FSTL5: variants seen among roughly 807,000 people sequenced by gnomAD.
FSTL5 encodes the protein follistatin like 5.
A neutral mutation model predicts 89.1 loss-of-function variants in FSTL5; 62 were observed. The observed-to-expected ratio is 0.70, with a 90% CI of 0.57 to 0.86. FSTL5 has a LOEUF of 0.86. FSTL5 is among the 40% of genes least tolerant of loss of function. FSTL5 has a pLI of 0.00. For missense variants in FSTL5, 1,057 were observed against 1,001.6 expected, an observed-to-expected ratio of 1.06 and a Z score of -0.75; for synonymous variants, 383 against 346.2, an observed-to-expected ratio of 1.11 and a Z score of -1.18.
At chr4:161,584,486 A>G (rs1220693794) in intron 8 of FSTL5, among the ~76,000 whole-genome samples, 1 of 152,196 alleles carries the variant, frequency 6.6e-6, no homozygotes, top group Non-Finnish European at 1.5e-5. Flanking sequence ...TATTCCCATC[A>G]GCATAAAAGA....
intron 2 of FSTL5, among the ~76,000 whole-genome samples, chr4:162,100,533 C>G (rs2111381067): frequency 6.6e-6 from 1 of 152,156 alleles, no homozygotes; most frequent in African/African-American, 2.4e-5. Flanking sequence ...GATGAAGAGG[C>G]AAAGCACAGA....
chr4:161,643,622 T>C (rs913991940), intron 7 of FSTL5, among the ~76,000 whole-genome samples: 3 of 152,154 alleles, frequency 2.0e-5, no homozygotes, highest in African/African-American at 7.2e-5. Context: ...ACAACGATCA[T>C]GTATGTACTT....
intron 15 of FSTL5, chr4:161,387,846 G>C (rs1730699499): frequency 6.6e-6 from 1 of 151,894 alleles, no homozygotes; most frequent in Non-Finnish European, 1.5e-5. Flanking sequence ...AATTTATGAG[G>C]AGACTATTTG....
At chr4:162,048,021 T>C (rs575392149) in intron 2 of FSTL5, among the ~76,000 whole-genome samples, 1 of 152,190 alleles carries the variant, frequency 6.6e-6, no homozygotes, top group African/African-American at 2.4e-5. Context: ...ATGTTTACAA[T>C]TGTTCATGTT....
At position 161,776,056 on chromosome 4, in the gene FSTL5, G is replaced by A; in HGVS notation, c.428C>T (p.Thr143Ile). The A allele has an allele frequency of 6.4e-7, 1 of 1,552,680 alleles. No homozygotes were observed. Among genetic ancestry groups the A allele is most frequent in the Non-Finnish European group, 8.8e-7 (1 of 1,137,120 alleles). ...CATATTTTTCATCTTGCTGTATTCA[G>A]TAGTCTTGCACTTATCTCCTGTAAC... is the stretch of plus-strand genomic sequence containing the variant. ...CFFKGDKCKT[T>I]EYSKMKNMLL... The change falls in exon 5 of 16, where the codon ACT (threonine) becomes ATT (isoleucine). Residue 143 changes from threonine to isoleucine, a missense_variant. Thr to Ile is a moderately conservative substitution (Grantham distance 89). Around this residue, in one of 3 missense-constraint regions of FSTL5, gnomAD observed 980 missense variants for 903.2 expected, o/e 1.08. Transcript: ENST00000306100.
intron 3 of FSTL5, among the ~76,000 whole-genome samples, chr4:162,030,890 AG>A (rs1247545275): frequency 1.3e-5 from 2 of 152,200 alleles, no homozygotes; most frequent in Non-Finnish European, 2.9e-5. Flanking sequence ...AAAAAATATT[AG>A]GGGTGAACTA....
rs112764378 is a variant in FSTL5, at chr4:161,434,373, G to A, written c.1841+20631C>T. ...ATCCATATGCAGAAGAATAAAATTA[G>A]ACCCCCATCTCTTGCCATACACAAA... is the stretch of plus-strand genomic sequence containing the variant. On this transcript the variant is annotated intron_variant, in intron 15 of 15. Transcript: ENST00000306100. 2.2e-3 allele frequency among the ~76,000 whole-genome samples: 340 copies of A among 152,144 alleles called. 1 individual carries two copies. Among genetic ancestry groups the A allele is most frequent in the African/African-American group, 7.8e-3 (325 of 41,552 alleles).
At chr4:162,095,528 T>C (rs1272201885) in intron 2 of FSTL5, among the ~76,000 whole-genome samples, 1 of 152,070 alleles carries the variant, frequency 6.6e-6, no homozygotes, top group Admixed American at 6.6e-5. Context: ...TAAGGGACTT[T>C]ATTGTAACAA....
intron 2 of FSTL5, among the ~76,000 whole-genome samples, chr4:162,093,873 A>G (rs1730646555): frequency 6.6e-6 from 1 of 152,106 alleles, no homozygotes; most frequent in East Asian, 1.9e-4. Context: ...TAGAGAGTCA[A>G]TATTAGTATT....
intron 2 of FSTL5, among the ~76,000 whole-genome samples, chr4:162,099,202 T>C (rs1454232926): frequency 2.0e-5 from 3 of 152,124 alleles, no homozygotes; most frequent in Non-Finnish European, 4.4e-5. Context: ...CAATAAGTTA[T>C]TGTTAACTAT....
chr4:161,565,936 G>T (rs998964882), intron 8 of FSTL5, among the ~76,000 whole-genome samples: 11 of 150,850 alleles, frequency 7.3e-5, no homozygotes, highest in Non-Finnish European at 1.6e-4. Context: ...ATATGTAGGA[G>T]TAGGATTGCT....
intron 10 of FSTL5, among the ~76,000 whole-genome samples, chr4:161,516,434 G>C (rs1730832978): frequency 7.4e-6 from 1 of 134,578 alleles, no homozygotes. Flanking sequence ...TCTTATCAAT[G>C]TCCTTAGTAT....
intron 13 of FSTL5, among the ~76,000 whole-genome samples, chr4:161,472,188 A>T (rs916448810): frequency 6.6e-6 from 1 of 152,118 alleles, no homozygotes; most frequent in South Asian, 2.1e-4. Flanking sequence ...CGTGTTAGCC[A>T]GGATGATCTC....
chr4:161,552,274 C>T (rs1237247537), intron 8 of FSTL5, among the ~76,000 whole-genome samples: 4 of 151,792 alleles, frequency 2.6e-5, no homozygotes, highest in Non-Finnish European at 5.9e-5. Context: ...ATATTAATAA[C>T]AACTCTCAAT....
At chr4:161,879,851 T>C (rs1356722719) in intron 4 of FSTL5, among the ~76,000 whole-genome samples, 1 of 152,210 alleles carries the variant, frequency 6.6e-6, no homozygotes, top group Admixed American at 6.5e-5. Context: ...TCCAGCATAT[T>C]TTATAGTTAT....
chr4:161,453,271 C>T (rs1015372793), intron 15 of FSTL5, among the ~76,000 whole-genome samples: 3 of 151,920 alleles, frequency 2.0e-5, no homozygotes, highest in Admixed American at 6.6e-5. Context: ...ATATTAAATA[C>T]AGTAATAGGG....
intron 3 of FSTL5, among the ~76,000 whole-genome samples, chr4:161,992,964 G>GCC (rs1560957873): frequency 3.7e-5 from 3 of 80,442 alleles, no homozygotes; most frequent in African/African-American, 1.2e-4. Context: ...ATATATATAT[G>GCC]TGTGTATATA....
At chr4:162,113,498 A>C (rs939684912) in intron 1 of FSTL5, among the ~76,000 whole-genome samples, 3 of 152,090 alleles carry the variant, frequency 2.0e-5, no homozygotes, top group Non-Finnish European at 4.4e-5. Flanking sequence ...CAAGAGCCTG[A>C]GTGATCATGT....
At chr4:161,987,575 TAAAG>T (rs1052542640) in intron 3 of FSTL5, among the ~76,000 whole-genome samples, 10 of 147,244 alleles carry the variant, frequency 6.8e-5, no homozygotes, top group East Asian at 2.0e-4. Context: ...GAAATATATA[TAAAG>T]AAATATATAA....
Sources: gnomAD v4.1 joint callset for allele counts (sites outside exome capture counted in the v4.1 genomes callset) on GRCh38, gnomAD v4.1.1 for gene constraint, gnomAD v4.1.1 regional missense constraint, MANE v1.5 for transcripts, NCBI Gene and HGNC (gene_info 2026-07-23, HGNC 2026-07-21) for gene names.